Variants in OPN1MW observed in about 807,000 individuals in gnomAD.
The protein encoded by OPN1MW is medium-wave-sensitive opsin 1.
A neutral mutation model predicts 7.6 loss-of-function variants in OPN1MW; 1 was observed. The observed-to-expected ratio is 0.13, with a 90% CI of 0.05 to 0.62. OPN1MW has a LOEUF of 0.62. Ranked by LOEUF, OPN1MW falls within the 20% of genes least tolerant of loss-of-function variation. The pLI, the probability that OPN1MW is intolerant of heterozygous loss-of-function variation, is 0.87. For synonymous variants in OPN1MW, 11 were observed against 51.7 expected (o/e 0.21, Z 3.38); for missense variants, 16 against 122.7 (o/e 0.13, Z 4.11).
At chrX:154,191,239 C>A (rs1371728980) in intron 3 of OPN1MW, among the ~76,000 whole-genome samples, 1 of 91,247 alleles carries the variant, frequency 1.1e-5, no homozygotes, top group African/African-American at 3.6e-5. Flanking sequence ...CCACTTCACC[C>A]AGCTAATTTT....
chrX:154,186,643 CAAA>C (rs782579946), intron 1 of OPN1MW, among the ~76,000 whole-genome samples: 10 of 66,237 alleles, frequency 1.5e-4, no homozygotes, highest in African/African-American at 2.6e-4. Flanking sequence ...GACTTTGTCC[CAAA>C]AAAAAAAAAA....
At chrX:154,191,311 C>T (rs1370344769) in intron 3 of OPN1MW, among the ~76,000 whole-genome samples, 74 of 92,044 alleles carry the variant, frequency 8.0e-4, no homozygotes, top group African/African-American at 2.5e-3. Flanking sequence ...CTCCTGGGCT[C>T]GAGCAATCCT....
chrX:154,193,930 G>A (rs1449291028), intron 5 of OPN1MW, among the ~76,000 whole-genome samples: 4 of 90,322 alleles, frequency 4.4e-5, no homozygotes, highest in African/African-American at 1.4e-4. Context: ...CTTCCCTTCC[G>A]GTGGCCCTAG....
intron 1 of OPN1MW, among the ~76,000 whole-genome samples, chrX:154,186,645 A>C (rs1260778109): frequency 2.0e-4 from 10 of 49,282 alleles, no homozygotes; most frequent in African/African-American, 1.3e-3. Context: ...CTTTGTCCCA[A>C]AAAAAAAAAA....
intron 1 of OPN1MW, among the ~76,000 whole-genome samples, chrX:154,186,611 T>A (rs1310653076): frequency 2.0e-5 from 2 of 102,486 alleles, no homozygotes; most frequent in Non-Finnish European, 4.1e-5. Flanking sequence ...GCCACTGTAC[T>A]CCAGCCTGGG....
intron 1 of OPN1MW, among the ~76,000 whole-genome samples, chrX:154,186,592 T>C (rs1179684193): frequency 9.6e-6 from 1 of 103,899 alleles, no homozygotes; most frequent in Non-Finnish European, 2.0e-5. Context: ...TGCAGTGAGC[T>C]ATGATTGTGC....
chrX:154,186,424 G>A, intron 1 of OPN1MW, among the ~76,000 whole-genome samples: 1 of 97,761 alleles, frequency 1.0e-5, no homozygotes. Context: ...TCAGGAGTTC[G>A]AGACCAGCCT....
rs782024560 is a variant in OPN1MW at position 154,193,515 on chromosome X, C to T, written c.852C>T (p.Tyr284=). The T allele has an allele frequency of 1.7e-5, 18 of 1,030,298 alleles. 2 individuals are homozygous for T. Among genetic ancestry groups the T allele is most frequent in the East Asian group, 3.2e-5 (1 of 30,772 alleles). The allele number at this position is 1,030,298 out of a possible 1,213,427, so 84.9% of individuals were successfully genotyped here. A position where few individuals can be genotyped will look rare whatever the true frequency, so the allele number is the denominator to read the frequency against. ...CATTCTGCTTCTGCTGGGGACCATACGCCTTCTTCGCATGCTTTGCTGCTG... is the reference window on the plus strand; with the variant it reads ...CATTCTGCTTCTGCTGGGGACCATATGCCTTCTTCGCATGCTTTGCTGCTG... ...VLAFCFCWGP[Y]AFFACFAAAN... is the part of the protein sequence containing the mutation. Residue 284 remains tyrosine, a synonymous_variant, in exon 5 of 6, where the codon TAC becomes TAT. Coordinates refer to ENST00000595290, the MANE Select transcript of OPN1MW (RefSeq NM_000513.2).
At position 154,191,703 on chromosome X, in the gene OPN1MW, C is replaced by T. The variant is rs1357678494; in HGVS notation, c.594C>T (p.Gly198=). ...TTCTCTCCAGGTACTGGCCCCACGG[C>T]CTGAAGACTTCATGCGGCCCAGACG... is the stretch of plus-strand genomic sequence containing the variant. ...IFGWSRYWPH[G]LKTSCGPDVF... Residue 198 remains glycine, a synonymous_variant, in exon 4 of 6, where the codon GGC becomes GGT. Transcript: ENST00000595290. The T allele has an allele frequency of 1.8e-5, 1 of 55,102 alleles. No individual in the cohort carries two copies. The highest frequency in any genetic ancestry group is 3.1e-5 in the Non-Finnish European group (1 of 32,368). 4.5% of individuals were successfully genotyped at this position (55,102 alleles called of 1,213,427 possible). A position where few individuals can be genotyped will look rare whatever the true frequency, so the allele number is the denominator to read the frequency against.
rs1557159403 is a variant in OPN1MW, at chrX:154,193,396, T to TG, written c.745-11dup. On this transcript the variant is annotated splice_polypyrimidine_tract_variant and intron_variant, in intron 4 of 5. Coordinates refer to ENST00000595290, the MANE Select transcript of OPN1MW (RefSeq NM_000513.2). ...CCTCCAACCCCCGACTCACTATCCC[T>TG]GTCTCCCTTAGGTGGCAAAGCAGCA... 1.1e-6 allele frequency: 1 copy of TG among 952,184 alleles called. No individual in the cohort carries two copies. 78.5% of individuals were successfully genotyped at this position (952,184 alleles called of 1,213,427 possible).
At chrX:154,191,247 T>G (rs1411939536) in intron 3 of OPN1MW, among the ~76,000 whole-genome samples, 46 of 92,183 alleles carry the variant, frequency 5.0e-4, no homozygotes, top group African/African-American at 1.6e-3. Context: ...CCCAGCTAAT[T>G]TTTTTTATTT....
intron 3 of OPN1MW, among the ~76,000 whole-genome samples, 160 bp from the exon 4 acceptor site, chrX:154,191,528 T>C (rs1405296396): frequency 1.7e-4 from 4 of 23,715 alleles, no homozygotes; most frequent in African/African-American, 4.1e-4. Context: ...AGGTGGTGAC[T>C]GCCACAGAAT....
At chrX:154,191,161 G>C (rs1194820684) in intron 3 of OPN1MW, among the ~76,000 whole-genome samples, 1 of 60,599 alleles carries the variant, frequency 1.7e-5, no homozygotes, top group Non-Finnish European at 3.6e-5. Context: ...GCTCACTGCA[G>C]CCTCCACCTC....
In OPN1MW at chrX:154,188,034, G is replaced by C; in HGVS notation, c.377G>C (p.Cys126Ser). 2.2e-6 allele frequency: 2 copies of C among 895,200 alleles called. 1 individual carries two copies. The highest frequency in any genetic ancestry group is 2.8e-6 in the Non-Finnish European group (2 of 710,264). 73.8% of individuals were successfully genotyped at this position (895,200 alleles called of 1,213,427 possible). A position where few individuals can be genotyped will look rare whatever the true frequency, so the allele number is the denominator to read the frequency against. ...YGYFVLGHPM[C>S]VLEGYTVSLC... ...TACTTCGTGCTGGGCCACCCTATGTGTGTCCTGGAGGGCTACACCGTCTCC... is the reference window on the plus strand; with the variant it reads ...TACTTCGTGCTGGGCCACCCTATGTCTGTCCTGGAGGGCTACACCGTCTCC... The change falls in exon 2 of 6, where the codon TGT becomes TCT. Residue 126 changes from cysteine (C) to serine (S), a missense_variant. Cys to Ser is a moderately radical substitution (Grantham distance 112). Coordinates refer to ENST00000595290, the MANE Select transcript of OPN1MW (RefSeq NM_000513.2).
chrX:154,193,748 G>A (rs1389396876), intron 5 of OPN1MW, 101 bp downstream of exon 5: 4 of 705,855 alleles, frequency 5.7e-6, no homozygotes, highest in East Asian at 3.6e-5. Flanking sequence ...AGAAGCCCGC[G>A]GAGCATCTGG....
rs1242141388 is a variant in OPN1MW at position 154,186,497 on chromosome X, G to A, written c.113-1273G>A. On this transcript the variant is annotated intron_variant, in intron 1 of 5. Transcript: ENST00000595290. ...AAAAATTGCCATTGTGGTAATGCAC[G>A]GCTTGTAGTCCCAGGTACTCGAGAG... Among the ~76,000 whole-genome samples the A allele has an allele frequency of 4.9e-5, 5 of 101,801 alleles. 1 individual carries two copies. In the East Asian group the frequency reaches 1.5e-3, roughly 30 times the overall value. 88.4% of individuals were successfully genotyped at this position (101,801 alleles called of 115,157 possible). A position where few individuals can be genotyped will look rare whatever the true frequency, so the allele number is the denominator to read the frequency against.
intron 3 of OPN1MW, among the ~76,000 whole-genome samples, chrX:154,191,088 CTTTTTT>C (rs2067113757): frequency 3.3e-5 from 1 of 29,908 alleles, no homozygotes; most frequent in Non-Finnish European, 7.9e-5. Context: ...GTACTTTTTT[CTTTTTT>C]TGAGACAGGG....
At chrX:154,186,459 C>A in intron 1 of OPN1MW, among the ~76,000 whole-genome samples, 1 of 97,603 alleles carries the variant, frequency 1.0e-5, no homozygotes, top group East Asian at 3.0e-4. Context: ...GACCCCATCT[C>A]TACAGAAATA....
intron 3 of OPN1MW, among the ~76,000 whole-genome samples, chrX:154,191,217 C>T (rs1363847751): frequency 8.1e-5 from 7 of 86,283 alleles, no homozygotes; most frequent in Admixed American, 4.5e-4. Flanking sequence ...AGGAGCTGGG[C>T]CTACAGGTGC....
Sources: gnomAD v4.1 joint callset for allele counts (sites outside exome capture counted in the v4.1 genomes callset) on GRCh38, gnomAD v4.1.1 for gene constraint, MANE v1.5 for transcripts, NCBI Gene and HGNC (gene_info 2026-07-23, HGNC 2026-07-21) for gene names.